RGS7: variants seen among roughly 807,000 people sequenced by gnomAD.
The protein encoded by RGS7 is regulator of G protein signaling 7, also known as regulator of G-protein signaling 7.
Under a neutral mutation model 81.1 loss-of-function variants are expected in RGS7, and 27 were observed. The ratio of observed to expected loss-of-function variants is 0.33; its 90% confidence interval spans 0.25 to 0.46. The LOEUF (loss-of-function observed/expected upper bound fraction) is 0.46. Among genes scored for constraint, RGS7 ranks in the 20% least tolerant of loss-of-function variants. The pLI is 1.00. For missense variants in RGS7, 396 were observed against 607.4 expected (o/e 0.65, Z 3.66); for synonymous variants, 208 against 207.7 (o/e 1.00, Z -0.01).
At chr1:241,204,421 T>C (rs2177113) in intron 2 of RGS7, among the ~76,000 whole-genome samples, 12,109 of 152,250 alleles carry the variant, frequency 0.08, 631 homozygotes, top group East Asian at 0.27. Context: ...AAATATGTAC[T>C]GCATATCATA....
chr1:240,852,832 C>A lies in RGS7; in HGVS notation c.609+15755G>T, dbSNP rs758574926. ...GCTCTAAGGCACACAAGCAGCAACT[C>A]AAGCTAAGGGATTCCTGGGGGTTTT... On this transcript the variant is annotated intron_variant, in intron 9 of 18. Coordinates refer to ENST00000440928, the MANE Select transcript of RGS7 (RefSeq NM_001364886.1). Among the ~76,000 whole-genome samples the A allele has an allele frequency of 5.9e-5, 9 of 152,170 alleles. 1 individual carries two copies. Among genetic ancestry groups the A allele is most frequent in the Non-Finnish European group, 1.3e-4 (9 of 68,018 alleles).
chr1:241,190,768 C>G (rs1412419364), intron 2 of RGS7, among the ~76,000 whole-genome samples: 1 of 151,860 alleles, frequency 6.6e-6, no homozygotes, highest in Non-Finnish European at 1.5e-5. Context: ...AAAATGGTGA[C>G]TGTTTTTTTT....
intron 6 of RGS7, among the ~76,000 whole-genome samples, chr1:240,897,947 C>G (rs186955137): frequency 1.3e-5 from 2 of 152,236 alleles, no homozygotes; most frequent in African/African-American, 4.8e-5. Flanking sequence ...TTAATTATTG[C>G]CTCAATTTCA....
intron 3 of RGS7, among the ~76,000 whole-genome samples, chr1:241,023,986 C>T (rs1478504723): frequency 6.6e-6 from 1 of 152,138 alleles, no homozygotes; most frequent in Admixed American, 6.5e-5. Flanking sequence ...CAGGTGTGGT[C>T]GACCTCCTGC....
intron 2 of RGS7, among the ~76,000 whole-genome samples, chr1:241,122,138 A>T (rs911776530): frequency 2.0e-4 from 30 of 152,336 alleles, no homozygotes; most frequent in African/African-American, 7.2e-4. Flanking sequence ...CAGTAAGTTC[A>T]CGCAAAAGTA....
Position 241,221,363 on chromosome 1 carries a change from A to G in RGS7, c.79-122601T>C, listed in dbSNP as rs886445199. On this transcript the variant is annotated intron_variant, in intron 2 of 18. Transcript: ENST00000440928. ...AATGCAGATGTGGCATAGACTGGCG[A>G]GATGCTCACCCACCTGTTTCCTTTC... Among the ~76,000 whole-genome samples, 11 of 152,334 alleles carry G rather than the reference A, an allele frequency of 7.2e-5. 1 individual carries two copies. Among genetic ancestry groups the G allele is most frequent in the Admixed American group, 1.3e-4 (2 of 15,302 alleles).
chr1:240,985,722 G>A (rs1685558151), intron 3 of RGS7, among the ~76,000 whole-genome samples: 1 of 151,942 alleles, frequency 6.6e-6, no homozygotes, highest in Non-Finnish European at 1.5e-5. Context: ...GACTCACCAT[G>A]TTAACCTATG....
At chr1:241,248,314 G>A (rs1328023307) in intron 2 of RGS7, among the ~76,000 whole-genome samples, 2 of 148,474 alleles carry the variant, frequency 1.3e-5, no homozygotes, top group Admixed American at 6.8e-5. Context: ...TTATATATGT[G>A]CAGAATCCTA....
chr1:241,321,946 T>G (rs2081237664), intron 2 of RGS7, among the ~76,000 whole-genome samples: 1 of 152,164 alleles, frequency 6.6e-6, no homozygotes, highest in South Asian at 2.1e-4. Context: ...CCTTGCAAAA[T>G]CTACGCTCCA....
rs527993517 is a variant in RGS7, at chr1:241,100,244, A to G, written c.79-1482T>C. Among the ~76,000 whole-genome samples, 948 of 151,992 alleles carry G rather than the reference A, an allele frequency of 6.2e-3. 5 individuals are homozygous for G. The highest frequency in any genetic ancestry group is 7.5e-3 in the Non-Finnish European group (513 of 67,966). Reference sequence around the variant, plus strand: ...CAAAAAATTAGCCGGGCGCGGTGGCAGGCGCCTGTAGTCCCAGGTACTCGG... The same window carrying G: ...CAAAAAATTAGCCGGGCGCGGTGGCGGGCGCCTGTAGTCCCAGGTACTCGG... On this transcript the variant is annotated intron_variant, in intron 2 of 18. Coordinates refer to ENST00000440928, the MANE Select transcript of RGS7 (RefSeq NM_001364886.1).
chr1:240,821,164 C>T (rs1351128325), intron 10 of RGS7, among the ~76,000 whole-genome samples: 1 of 152,086 alleles, frequency 6.6e-6, no homozygotes, highest in South Asian at 2.1e-4. Context: ...CAGAAAAGTC[C>T]CCTCTTGGCC....
chr1:241,083,334 GT>G (rs1383081398), intron 3 of RGS7, among the ~76,000 whole-genome samples: 1 of 151,852 alleles, frequency 6.6e-6, no homozygotes, highest in Admixed American at 6.6e-5. Context: ...AGCCCAAGTG[GT>G]TGAGATTAAC....
chr1:241,045,026 A>G (rs1479728929), intron 3 of RGS7, among the ~76,000 whole-genome samples: 1 of 152,094 alleles, frequency 6.6e-6, no homozygotes, highest in East Asian at 1.9e-4. Flanking sequence ...AGAGCTTTTA[A>G]TTTCCATGAT....
intron 2 of RGS7, among the ~76,000 whole-genome samples, chr1:241,278,982 C>CTT (rs1465160767): frequency 1.3e-5 from 2 of 152,166 alleles, no homozygotes; most frequent in African/African-American, 4.8e-5. Context: ...CACATACCCA[C>CTT]AACTATTCAT....
At chr1:241,337,979 T>C (rs2082338957) in intron 2 of RGS7, among the ~76,000 whole-genome samples, 1 of 152,252 alleles carries the variant, frequency 6.6e-6, no homozygotes, top group African/African-American at 2.4e-5. Context: ...TTAAAATGTT[T>C]TGAGTAATCT....
At chr1:241,338,187 G>A (rs2148684608) in intron 2 of RGS7, among the ~76,000 whole-genome samples, 1 of 152,256 alleles carries the variant, frequency 6.6e-6, no homozygotes, top group South Asian at 2.1e-4. Context: ...CAACTCAGGA[G>A]GAACTCATCT....
rs145764562 is a variant in RGS7 at position 240,896,916 on chromosome 1, G to A, written c.386-26797C>T. Among the ~76,000 whole-genome samples, 600 of 152,294 alleles carry A rather than the reference G, an allele frequency of 3.9e-3. 2 individuals carry two copies. The highest frequency in any genetic ancestry group is 0.014 in the African/African-American group (570 of 41,550). On this transcript the variant is annotated intron_variant, in intron 6 of 18. Transcript: ENST00000440928. Reference sequence around the variant, plus strand: ...TGATATTGATTCTTCCTATCCATGAGCATGGAATGTTATTCCATTTGTTTG... The same window carrying A: ...TGATATTGATTCTTCCTATCCATGAACATGGAATGTTATTCCATTTGTTTG...
intron 3 of RGS7, among the ~76,000 whole-genome samples, chr1:241,009,129 T>G (rs1476265288): frequency 2.0e-5 from 3 of 152,096 alleles, no homozygotes; most frequent in Non-Finnish European, 2.9e-5. Context: ...TTAACTTCCC[T>G]TTTACTTCTT....
chr1:240,993,425 G>A (rs1279345496), intron 3 of RGS7, among the ~76,000 whole-genome samples: 1 of 152,100 alleles, frequency 6.6e-6, no homozygotes, highest in African/African-American at 2.4e-5. Flanking sequence ...CTTTCTGATA[G>A]TATGTGTTGA....
Sources: gnomAD v4.1 joint callset for allele counts (sites outside exome capture counted in the v4.1 genomes callset) on GRCh38, gnomAD v4.1.1 for gene constraint, MANE v1.5 for transcripts, NCBI Gene and HGNC (gene_info 2026-07-23, HGNC 2026-07-21) for gene names.